The following SVEP1 variants were observed in gnomAD, a reference collection of about 807,000 sequenced individuals.
The protein encoded by SVEP1 is sushi, von Willebrand factor type A, EGF and pentraxin domain-containing protein 1.
SVEP1 carries 164 observed loss-of-function variants against 367.3 expected under a neutral mutation model. The observed-to-expected ratio is 0.45, with a 90% CI of 0.39 to 0.51. SVEP1 has a LOEUF of 0.51. Among genes scored for constraint, SVEP1 ranks in the 20% least tolerant of loss-of-function variants. The pLI is 0.00. For synonymous variants in SVEP1, 1,666 were observed against 1,611.6 expected (o/e 1.03, Z -0.81); for missense variants, 4,117 against 4,425.3 (o/e 0.93, Z 1.98).
chr9:110,413,587 C>G (rs894908653), intron 36 of SVEP1, among the ~76,000 whole-genome samples: 1 of 151,898 alleles, frequency 6.6e-6, no homozygotes, highest in Non-Finnish European at 1.5e-5. Flanking sequence ...TATGGCTCTG[C>G]TATTCAATCA....
chr9:110,396,448 C>T (rs1352272595), intron 40 of SVEP1, among the ~76,000 whole-genome samples: 3 of 151,960 alleles, frequency 2.0e-5, no homozygotes, highest in Admixed American at 6.6e-5. Flanking sequence ...ACTAGAGAAG[C>T]AAGAGCAAAC....
In SVEP1 at chr9:110,406,716, C is replaced by G. The variant is rs1827960168; in HGVS notation, c.8884G>C (p.Gly2962Arg). 6.2e-7 allele frequency: 1 copy of G among 1,613,844 alleles called. No homozygotes were observed. The highest frequency in any genetic ancestry group is 8.5e-7 in the Non-Finnish European group (1 of 1,179,906). The change falls in exon 38 of 48, where the codon GGT (glycine) becomes CGT (arginine). Residue 2962 changes from glycine (G) to arginine (R), a missense_variant. Gly to Arg is a moderately radical substitution (Grantham distance 125). This residue lies in a region of SVEP1 where 1,765 missense variants were observed against 1,781.1 expected (regional missense o/e 0.99). Transcript: ENST00000374469. ...TGGCCCCCATGAATAAAGGAAAAAC[C>G]ATTAGGGAAACCATGGGCAAGATCT... Reference protein sequence around the residue: ...PEDLAHGFPNGFSFIHGGHIQ... With the variant: ...PEDLAHGFPNRFSFIHGGHIQ...
intron 1 of SVEP1, among the ~76,000 whole-genome samples, chr9:110,559,477 C>A (rs1415999119): frequency 1.3e-5 from 2 of 151,822 alleles, no homozygotes; most frequent in Non-Finnish European, 2.9e-5. Context: ...AAATGTTTAA[C>A]TTCATTAATA....
At chr9:110,541,431 G>A (rs1221496464) in intron 3 of SVEP1, among the ~76,000 whole-genome samples, 1 of 152,050 alleles carries the variant, frequency 6.6e-6, no homozygotes, top group African/African-American at 2.4e-5. Context: ...AGGTGCAAGG[G>A]CTCTTTACTA....
At chr9:110,488,278 G>A (rs768929407) in intron 9 of SVEP1, among the ~76,000 whole-genome samples, 7 of 152,116 alleles carry the variant, frequency 4.6e-5, no homozygotes, top group African/African-American at 7.2e-5. Context: ...AAGTCCAGGA[G>A]GCTTTCAGAG....
At chr9:110,512,802 C>A in intron 5 of SVEP1, 124 bp downstream of exon 5, 1 of 1,148,484 alleles carries the variant, frequency 8.7e-7, no homozygotes, top group Non-Finnish European at 1.3e-6. Context: ...TAATTTTTCT[C>A]TTTCTGTAGT....
rs1828000458 is a variant in SVEP1 at position 110,408,894 on chromosome 9, T to G, written c.6706A>C (p.Lys2236Gln). 6.2e-7 allele frequency: 1 copy of G among 1,612,570 alleles called. No homozygotes were observed. The highest frequency in any genetic ancestry group is 8.5e-7 in the Non-Finnish European group (1 of 1,179,256). ...ACAAATACAGGACTTCCGACTGACT[T>G]ATAGCCCGGGTTACACTGATACCTC... Reference protein sequence around the residue: ...EVRYQCNPGYKSVGSPVFVCQ... With the variant: ...EVRYQCNPGYQSVGSPVFVCQ... Residue 2236 changes from lysine to glutamine, a missense_variant, in exon 38 of 48, where the codon AAG (lysine) becomes CAG (glutamine). This residue lies in a region of SVEP1 where 1,765 missense variants were observed against 1,781.1 expected (regional missense o/e 0.99). Coordinates refer to ENST00000374469, the MANE Select transcript of SVEP1 (RefSeq NM_153366.4).
intron 40 of SVEP1, among the ~76,000 whole-genome samples, chr9:110,399,759 C>T (rs1827827716): frequency 6.6e-6 from 1 of 152,152 alleles, no homozygotes; most frequent in Non-Finnish European, 1.5e-5. Context: ...GTCTTGAACT[C>T]CTGAGCTCAA....
intron 3 of SVEP1, among the ~76,000 whole-genome samples, chr9:110,537,832 G>T (rs994540856): frequency 6.6e-6 from 1 of 151,586 alleles, no homozygotes; most frequent in African/African-American, 2.4e-5. Context: ...CGAGGGATTT[G>T]TAAATTTTCC....
At chr9:110,527,725 G>T (rs1212753907) in intron 3 of SVEP1, among the ~76,000 whole-genome samples, 1 of 151,808 alleles carries the variant, frequency 6.6e-6, no homozygotes, top group Non-Finnish European at 1.5e-5. Context: ...GGGTGCAAGT[G>T]GTTTATGTTC....
intron 9 of SVEP1, among the ~76,000 whole-genome samples, chr9:110,487,739 G>T (rs1203487170): frequency 6.6e-6 from 1 of 152,148 alleles, no homozygotes; most frequent in Non-Finnish European, 1.5e-5. Context: ...AGTATGGTAG[G>T]CACTAGATCA....
chr9:110,404,142 G>A (rs1221955629), intron 39 of SVEP1, among the ~76,000 whole-genome samples, 185 bp downstream of exon 39: 2 of 152,144 alleles, frequency 1.3e-5, no homozygotes, highest in Non-Finnish European at 2.9e-5. Flanking sequence ...TTAGTTTAAA[G>A]TGGGAATACT....
chr9:110,576,978 AT>A (rs2118894849), intron 1 of SVEP1, among the ~76,000 whole-genome samples: 1 of 152,196 alleles, frequency 6.6e-6, no homozygotes, highest in East Asian at 1.9e-4. Flanking sequence ...TATTTCTCTG[AT>A]TTGGGAAATG....
At chr9:110,508,006 G>A (rs1829651228) in intron 5 of SVEP1, among the ~76,000 whole-genome samples, 1 of 152,142 alleles carries the variant, frequency 6.6e-6, no homozygotes, top group East Asian at 1.9e-4. Flanking sequence ...CAAAACATAT[G>A]CAATAATTCC....
chr9:110,505,000 A>C (rs1001019869), intron 5 of SVEP1, among the ~76,000 whole-genome samples: 4 of 152,168 alleles, frequency 2.6e-5, no homozygotes, highest in Non-Finnish European at 5.9e-5. Flanking sequence ...TCACCATGAG[A>C]AAGCAGTAGG....
chr9:110,370,908 A>G (rs1244439421), intron 46 of SVEP1, among the ~76,000 whole-genome samples: 1 of 152,214 alleles, frequency 6.6e-6, no homozygotes, highest in African/African-American at 2.4e-5. Flanking sequence ...TGAAAAACTT[A>G]TAATTCACCA....
chr9:110,381,331 T>A (rs1218022337), intron 43 of SVEP1, among the ~76,000 whole-genome samples: 1 of 152,220 alleles, frequency 6.6e-6, no homozygotes, highest in Non-Finnish European at 1.5e-5. Flanking sequence ...ACCTTTTCGA[T>A]GTGGGCATTT....
intron 1 of SVEP1, among the ~76,000 whole-genome samples, chr9:110,571,559 C>A (rs1161213499): frequency 1.3e-5 from 2 of 152,204 alleles, no homozygotes; most frequent in Non-Finnish European, 2.9e-5. Flanking sequence ...TCAGACCTGT[C>A]ATTTTCCCTC....
chr9:110,401,451 A>G (rs891511458), intron 39 of SVEP1, among the ~76,000 whole-genome samples: 5 of 151,758 alleles, frequency 3.3e-5, no homozygotes, highest in African/African-American at 1.2e-4. Context: ...TAAGAAAATC[A>G]GCTTCCTTTT....
Sources: allele counts gnomAD v4.1 joint callset (sites outside exome capture counted in the v4.1 genomes callset), GRCh38; gene constraint gnomAD v4.1.1; regional missense constraint gnomAD v4.1.1; transcripts MANE v1.5; gene names NCBI Gene and HGNC (gene_info 2026-07-23, HGNC 2026-07-21).